The following DDX42 variants were observed in gnomAD, a reference collection of about 807,000 sequenced individuals.
DDX42 encodes the protein ATP-dependent RNA helicase DDX42.
Under a neutral mutation model 101.5 loss-of-function variants are expected in DDX42, and 22 were observed. That is an observed-to-expected ratio of 0.22 (90% CI 0.15 to 0.31). The LOEUF (loss-of-function observed/expected upper bound fraction) is 0.31. DDX42 is among the 10% of genes least tolerant of loss of function. The pLI, the probability that DDX42 is intolerant of heterozygous loss-of-function variation, is 1.00. For synonymous variants in DDX42, 402 were observed against 401.2 expected (o/e 1.00, Z -0.02); for missense variants, 849 against 1,199.9 (o/e 0.71, Z 4.32).
Position 63,808,891 on chromosome 17 carries a change from T to C in DDX42, c.1095T>C (p.Ser365=). The part of the protein sequence containing the change: ...LRSVAVYGGG[S]MWEQAKALQE... ...CAGTGGCCGTATATGGAGGAGGGAG[T>C]ATGTGGGAGCAGGCCAAGGCCCTTC... is the stretch of plus-strand genomic sequence containing the variant. Residue 365 remains serine (S), a synonymous_variant, in exon 10 of 18, where the codon AGT becomes AGC. Coordinates refer to ENST00000389924, the MANE Select transcript of DDX42 (RefSeq NM_203499.3). 1.2e-6 allele frequency: 2 copies of C among 1,613,240 alleles called. No individual in the cohort carries two copies. The highest frequency in any genetic ancestry group is 1.7e-6 in the Non-Finnish European group (2 of 1,179,766).
intron 6 of DDX42, among the ~76,000 whole-genome samples, chr17:63,801,220 T>G (rs2039765114): frequency 6.6e-6 from 1 of 152,036 alleles, no homozygotes. Flanking sequence ...TGGCTAATTT[T>G]TTTTAAATAT....
intron 1 of DDX42, 40 bp from the exon 2 acceptor site, chr17:63,786,994 T>C: frequency 1.2e-6 from 2 of 1,606,404 alleles, no homozygotes; most frequent in Non-Finnish European, 1.7e-6. Context: ...TATACACTTT[T>C]TTAAGTTTAA....
At chr17:63,792,045 C>CAA (rs36034247) in intron 2 of DDX42, among the ~76,000 whole-genome samples, 166 of 138,180 alleles carry the variant, frequency 1.2e-3, no homozygotes, top group South Asian at 2.6e-3. Flanking sequence ...AACCCCGTCT[C>CAA]AAAAAAAAAA....
chr17:63,799,733 AGGGAATGTCATTTGATT>A lies in DDX42; in HGVS notation c.471+109_471+125del, dbSNP rs967363902. On this transcript the variant is annotated intron_variant, in intron 5 of 17. Coordinates refer to ENST00000389924, the MANE Select transcript of DDX42 (RefSeq NM_203499.3). ...AAAATGGCCATTCCTGACATTCAGC[AGGGAATGTCATTTGATT>A]TGCTCCTTTTGTACCTGTGTGACCA... 2.7e-6 allele frequency: 3 copies of A among 1,098,706 alleles called. No homozygotes were observed. In the African/African-American group the frequency reaches 4.7e-5, roughly 17 times the overall value. 68.1% of individuals were successfully genotyped at this position (1,098,706 alleles called of 1,614,324 possible). A position where few individuals can be genotyped will look rare whatever the true frequency, so the allele number is the denominator to read the frequency against.
rs1184194440 is a variant in DDX42 at position 63,800,462 on chromosome 17, C to T, written c.472-6C>T. 1.2e-6 allele frequency: 2 copies of T among 1,612,478 alleles called. No homozygotes were observed. Among genetic ancestry groups the T allele is most frequent in the Admixed American group, 3.3e-5 (2 of 59,784 alleles). ...GGTGTGATTATGTTCTTGTGCTTTC[C>T]TGCAGGAAGCTTATTTTCGATACAT... On this transcript the variant is annotated splice_polypyrimidine_tract_variant and splice_region_variant and intron_variant, in intron 5 of 17. Coordinates refer to ENST00000389924, the MANE Select transcript of DDX42 (RefSeq NM_203499.3).
intron 15 of DDX42, 90 bp from the exon 16 acceptor site, chr17:63,815,473 C>T: frequency 1.1e-6 from 1 of 926,660 alleles, no homozygotes; most frequent in Non-Finnish European, 1.7e-6. Flanking sequence ...AAAAGTTCCC[C>T]CTTCCCACTT....
chr17:63,805,721 C>G (rs2039830609), intron 7 of DDX42: 1 of 153,206 alleles, frequency 6.5e-6, no homozygotes, highest in Admixed American at 6.5e-5. Context: ...ATATGCTATG[C>G]TATCTACTCT....
At chr17:63,802,910 CAA>C (rs60325980) in intron 6 of DDX42, among the ~76,000 whole-genome samples, 3 of 142,560 alleles carry the variant, frequency 2.1e-5, no homozygotes. Context: ...CACTCCATCT[CAA>C]AAAAAAAAAA....
chr17:63,793,882 T>C (rs926512630), intron 3 of DDX42, among the ~76,000 whole-genome samples: 1 of 144,974 alleles, frequency 6.9e-6, no homozygotes, highest in African/African-American at 2.7e-5. Flanking sequence ...ATATATATAA[T>C]TTTTTAACTG....
At chr17:63,797,352 C>CA (rs59892636) in intron 3 of DDX42, among the ~76,000 whole-genome samples, 39,813 of 99,758 alleles carry the variant, frequency 0.4, 9,456 homozygotes, top group African/African-American at 0.68. Flanking sequence ...AACTCCATCT[C>CA]AAAAAAAAAA....
At chr17:63,809,729 G>C in intron 11 of DDX42, 70 bp downstream of exon 11, 1 of 1,309,976 alleles carries the variant, frequency 7.6e-7, no homozygotes, top group Non-Finnish European at 1.1e-6. Flanking sequence ...TGTCTTTCTA[G>C]ACTGTTTTTT....
At chr17:63,775,418 C>A (rs1331198268) in intron 1 of DDX42, among the ~76,000 whole-genome samples, 2 of 152,086 alleles carry the variant, frequency 1.3e-5, no homozygotes, top group South Asian at 2.1e-4. Flanking sequence ...CAAACAGATA[C>A]ATATATTATA....
chr17:63,795,112 G>A (rs1425695924), intron 3 of DDX42, among the ~76,000 whole-genome samples: 1 of 152,028 alleles, frequency 6.6e-6, no homozygotes, highest in Non-Finnish European at 1.5e-5. Flanking sequence ...TTTAAAATGT[G>A]AGCCAACATT....
chr17:63,792,332 T>C (rs1298715856), intron 2 of DDX42, 80 bp from the exon 3 acceptor site: 1 of 1,455,910 alleles, frequency 6.9e-7, no homozygotes, highest in African/African-American at 1.4e-5. Context: ...AGATATACCA[T>C]AATAAAAATG....
rs548770560 is a variant in DDX42, at chr17:63,786,278, C to T, written c.-16-756C>T. Among the ~76,000 whole-genome samples the T allele has an allele frequency of 6.3e-4, 96 of 152,174 alleles. 1 individual carries two copies. The highest frequency in any genetic ancestry group is 8.2e-4 in the Non-Finnish European group (56 of 67,998). The stretch of plus-strand genomic sequence containing the variant: ...TAAGAGACAGGATTTCACTATGTTG[C>T]CCAGGCTGGAATACAGTGGCTATTC... On this transcript the variant is annotated intron_variant, in intron 1 of 17. Coordinates refer to ENST00000389924, the MANE Select transcript of DDX42 (RefSeq NM_203499.3).
chr17:63,817,467 T>TAA, intron 17 of DDX42: 1 of 513,538 alleles, frequency 1.9e-6, no homozygotes, highest in Non-Finnish European at 3.5e-6. Context: ...AATCAGGCTA[T>TAA]AAAAGTACAT....
intron 5 of DDX42, chr17:63,800,182 GGGTTGATAGACACC>G (rs1444525964): frequency 2.9e-6 from 1 of 342,772 alleles, no homozygotes; most frequent in Admixed American, 4.5e-5. Context: ...GCTCTGGGCA[GGGTTGATAGACACC>G]CCACTCCAGG....
At chr17:63,787,922 T>TTTTTG (rs141481953) in intron 2 of DDX42, among the ~76,000 whole-genome samples, 1 of 144,068 alleles carries the variant, frequency 6.9e-6, no homozygotes. Flanking sequence ...TTTTTTTTTT[T>TTTTTG]GGAGGCAGAG....
chr17:63,786,931 C>T (rs889155786), intron 1 of DDX42, 103 bp from the exon 2 acceptor site: 2 of 1,176,034 alleles, frequency 1.7e-6, no homozygotes, highest in South Asian at 2.9e-5. Flanking sequence ...CTGCCTTGGC[C>T]TCCCAAAGTG....
Sources: allele counts gnomAD v4.1 joint callset (sites outside exome capture counted in the v4.1 genomes callset), GRCh38; gene constraint gnomAD v4.1.1; transcripts MANE v1.5; gene names NCBI Gene and HGNC (gene_info 2026-07-23, HGNC 2026-07-21).